Variants in TLK2 observed in about 807,000 individuals in gnomAD.
The protein encoded by TLK2 is serine/threonine-protein kinase tousled-like 2.
A neutral mutation model predicts 117.3 loss-of-function variants in TLK2; 6 were observed. The ratio of observed to expected loss-of-function variants is 0.05; its 90% CI spans 0.03 to 0.10. TLK2 has a LOEUF of 0.10. Among genes scored for constraint, TLK2 ranks in the 10% least tolerant of loss-of-function variants. The probability of loss-of-function intolerance (pLI) is 1.00; values close to 1 mark genes in which losing one functional copy is unlikely to be tolerated. For synonymous variants in TLK2, 257 were observed against 316.7 expected (o/e 0.81, Z 2.00); for missense variants, 299 against 901.2 (o/e 0.33, Z 8.56).
chr17:62,492,582 C>T (rs1474720687), intron 2 of TLK2, among the ~76,000 whole-genome samples: 1 of 151,844 alleles, frequency 6.6e-6, no homozygotes. Flanking sequence ...CTCAGCTTCC[C>T]GAGTAGCTGG....
chr17:62,470,943 A>C (rs2070930302), exon 1 of TLK2: 2 of 152,436 alleles, frequency 1.3e-5, no homozygotes, highest in South Asian at 4.1e-4. Flanking sequence ...AAGGAAGGGA[A>C]GCTTCTCGGC....
At chr17:62,518,899 C>T (rs1404596003) in intron 2 of TLK2, among the ~76,000 whole-genome samples, 1 of 152,016 alleles carries the variant, frequency 6.6e-6, no homozygotes, top group African/African-American at 2.4e-5. Context: ...TGTTTTGAGA[C>T]AAGGTCTTGG....
chr17:62,595,322 A>C (rs1477051833), intron 16 of TLK2, among the ~76,000 whole-genome samples: 3 of 151,336 alleles, frequency 2.0e-5, no homozygotes, highest in African/African-American at 7.3e-5. Flanking sequence ...CGTTATAACA[A>C]AATGATGTTA....
intron 6 of TLK2, among the ~76,000 whole-genome samples, chr17:62,532,248 G>A (rs145194270): frequency 1.3e-5 from 2 of 152,000 alleles, no homozygotes; most frequent in African/African-American, 2.4e-5. Flanking sequence ...CCAGGGAGAC[G>A]TTGGTTCAAA....
At chr17:62,478,523 A>C (rs1234720399), upstream of TLK2, among the ~76,000 whole-genome samples, 30 of 147,830 alleles carry the variant, frequency 2.0e-4, no homozygotes, top group Non-Finnish European at 3.2e-4. Context: ...GGGCCGCCGG[A>C]CCTCCCCTCG....
At chr17:62,566,907 GT>G in intron 11 of TLK2, among the ~76,000 whole-genome samples, 1 of 152,198 alleles carries the variant, frequency 6.6e-6, no homozygotes, top group South Asian at 2.1e-4. Context: ...AAGATGGTGA[GT>G]TTGTATAGAG....
At chr17:62,502,030 T>TC (rs1491528294) in intron 2 of TLK2, among the ~76,000 whole-genome samples, 18 of 97,230 alleles carry the variant, frequency 1.9e-4, no homozygotes, top group Non-Finnish European at 3.9e-4. Flanking sequence ...AAAATACCAA[T>TC]TTTTTTTTTT....
intron 17 of TLK2, among the ~76,000 whole-genome samples, chr17:62,597,614 A>G (rs2082575100): frequency 6.6e-6 from 1 of 152,204 alleles, no homozygotes; most frequent in Non-Finnish European, 1.5e-5. Flanking sequence ...GAAATGTGGC[A>G]CTAATGAAGA....
chr17:62,507,805 AT>A (rs2074826155), intron 2 of TLK2, among the ~76,000 whole-genome samples: 2 of 152,030 alleles, frequency 1.3e-5, no homozygotes, highest in South Asian at 4.1e-4. Context: ...GTGTTCATGG[AT>A]TTATAATTTA....
At chr17:62,606,022 AAAAAC>A in intron 19 of TLK2, 103 bp from the exon 20 acceptor site, 1 of 484,132 alleles carries the variant, frequency 2.1e-6, no homozygotes, top group East Asian at 3.7e-5. Flanking sequence ...AAAAAAAAAA[AAAAAC>A]GATATTTCTA....
chr17:62,477,835 C>G (rs572640434), upstream of TLK2: 1 of 152,404 alleles, frequency 6.6e-6, no homozygotes, highest in Non-Finnish European at 1.5e-5. Flanking sequence ...AGTTCTCATT[C>G]CTCAGGAGAT....
chr17:62,542,915 A>G (rs1276601773), intron 7 of TLK2, among the ~76,000 whole-genome samples: 9 of 152,228 alleles, frequency 5.9e-5, no homozygotes, highest in Admixed American at 5.2e-4. Flanking sequence ...TTAAATAGGC[A>G]TTTTTAAAAA....
Position 62,472,058 on chromosome 17 carries a change from C to CA in TLK2, c.-205+981dup, listed in dbSNP as rs897801207. Among the ~76,000 whole-genome samples, 5 of 151,176 alleles carry CA rather than the reference C, an allele frequency of 3.3e-5. No individual in the cohort carries two copies. The East Asian group carries it at 9.8e-4, about 30-fold the overall frequency. ...GTAGCTGGGACTACAGGCGCCCCCC[C>CA]ACCATGTCCGGCTAATTTTTTGTGT... On this transcript the variant is annotated intron_variant, in intron 1 of 4. Transcript: ENST00000579450.
Position 62,612,894 on chromosome 17 carries a change from A to C in TLK2, c.*329A>C, listed in dbSNP as rs2083903393. On this transcript the variant is annotated 3_prime_UTR_variant, in exon 22 of 22. Coordinates refer to ENST00000346027, the MANE Select transcript of TLK2 (RefSeq NM_006852.6). ...TGTGAACTTGAAAACTTGCAGACTC[A>C]GGGGGGTCCCTGATGCAGTGCTTCA... The C allele has an allele frequency of 5.8e-6, 1 of 172,198 alleles. No homozygotes were observed. The allele number at this position is 172,198 out of a possible 1,614,324, so 10.7% of individuals were successfully genotyped here. A position where few individuals can be genotyped will look rare whatever the true frequency, so the allele number is the denominator to read the frequency against.
rs1008495327 is a variant in TLK2, at chr17:62,503,412, T to C, written c.82-17361T>C. 5.9e-5 allele frequency among the ~76,000 whole-genome samples: 7 copies of C among 118,138 alleles called. No homozygotes were observed. The East Asian group carries it at 1.3e-3, about 22-fold the overall frequency. 77.5% of individuals were successfully genotyped at this position (118,138 alleles called of 152,430 possible). ...GTTCAAAGCTTTTACTTTTTAGTTATAACTTTTTTTTTTTTTTTTTTTTGA... is the reference window on the plus strand; with the variant it reads ...GTTCAAAGCTTTTACTTTTTAGTTACAACTTTTTTTTTTTTTTTTTTTTGA... On this transcript the variant is annotated intron_variant, in intron 2 of 21. Transcript: ENST00000346027.
In TLK2 at chr17:62,577,876, A is replaced by AT. The variant is rs201133705; in HGVS notation, c.1189-601_1189-600insT. 6.1e-3 allele frequency among the ~76,000 whole-genome samples: 920 copies of AT among 151,812 alleles called. 9 individuals are homozygous for AT. The highest frequency in any genetic ancestry group is 0.019 in the African/African-American group (806 of 41,388). ...GCCTGCCCAGCATGGTGAAACCCCG[A>AT]CTCTACTAAAAATACAAAAAATTAG... On this transcript the variant is annotated intron_variant, in intron 13 of 21. Transcript: ENST00000346027.
intron 9 of TLK2, among the ~76,000 whole-genome samples, chr17:62,556,098 A>G (rs1598562494): frequency 6.6e-6 from 1 of 152,140 alleles, no homozygotes; most frequent in South Asian, 2.1e-4. Flanking sequence ...TATTTTTAAT[A>G]GAGATGGGTT....
intron 7 of TLK2, among the ~76,000 whole-genome samples, chr17:62,546,864 C>G (rs2077989532): frequency 6.6e-6 from 1 of 152,074 alleles, no homozygotes; most frequent in African/African-American, 2.4e-5. Context: ...CCGGCCTCTT[C>G]TGGGAGATTT....
At chr17:62,516,360 T>C (rs2075589817) in intron 2 of TLK2, 2 of 1,534,062 alleles carry the variant, frequency 1.3e-6, no homozygotes, top group Non-Finnish European at 8.9e-7. Flanking sequence ...CAAATCCGCC[T>C]CTAAACTAGA....
Sources: allele counts gnomAD v4.1 joint callset (sites outside exome capture counted in the v4.1 genomes callset), GRCh38; gene constraint gnomAD v4.1.1; transcripts MANE v1.5; gene names NCBI Gene and HGNC (gene_info 2026-07-23, HGNC 2026-07-21).